Variants in RBFOX3 observed in about 807,000 individuals in gnomAD.
RBFOX3 encodes the protein RNA binding fox-1 homolog 3.
A neutral mutation model predicts 48.7 loss-of-function variants in RBFOX3; 17 were observed. The observed-to-expected ratio is 0.35, with a 90% CI of 0.24 to 0.52. The LOEUF is 0.52. Ranked by LOEUF, RBFOX3 falls within the 20% of genes least tolerant of loss-of-function variation. The pLI is 0.94. For missense variants in RBFOX3, 382 were observed against 497.5 expected, an observed-to-expected ratio of 0.77 and a Z score of 2.21; for synonymous variants, 212 against 209.5, an observed-to-expected ratio of 1.01 and a Z score of -0.10.
intron 1 of RBFOX3, among the ~76,000 whole-genome samples, chr17:79,483,450 C>CCTGCCTG (rs2079059038): frequency 7.6e-6 from 1 of 132,278 alleles, no homozygotes; most frequent in African/African-American, 2.9e-5. Flanking sequence ...CTCCCTCCCT[C>CCTGCCTG]CCTCCCTCCC....
chr17:79,651,106 T>C, the RBFOX3 span, among the ~76,000 whole-genome samples: 2 of 152,168 alleles, frequency 1.3e-5, no homozygotes, highest in Non-Finnish European at 2.9e-5. Flanking sequence ...ACTGCAGGAT[T>C]GAGTCACCAA....
intron 1 of RBFOX3, among the ~76,000 whole-genome samples, chr17:79,597,468 C>T (rs889243764): frequency 1.2e-3 from 177 of 152,322 alleles, no homozygotes; most frequent in African/African-American, 3.9e-3. Flanking sequence ...AGCCCTCTGC[C>T]GTCGTCCTGT....
At chr17:79,399,889 G>A (rs1192638856) in intron 2 of RBFOX3, among the ~76,000 whole-genome samples, 1 of 152,230 alleles carries the variant, frequency 6.6e-6, no homozygotes, top group Non-Finnish European at 1.5e-5. Flanking sequence ...GCTAGTGCAG[G>A]ACAGTCTAAC....
rs1314227486 is a variant in RBFOX3 at position 79,311,581 on chromosome 17, A to G, written c.-174-3757T>C. Among the ~76,000 whole-genome samples, 1 of 152,176 alleles carries G rather than the reference A, an allele frequency of 6.6e-6. No homozygotes were observed. Among genetic ancestry groups the G allele is most frequent in the East Asian group, 1.9e-4 (1 of 5,198 alleles). On this transcript the variant is annotated intron_variant, in intron 2 of 14. Coordinates refer to ENST00000693108, the MANE Select transcript of RBFOX3 (RefSeq NM_001350451.2). This position sits in a 1 kb window ranked among gnomAD's most constrained non-coding sequence, Gnocchi z 4.2. ...AATCTGTCTGTCCTATCTGTCAATC[A>G]ATCAATAATCAATCAATCAATCATC...
the RBFOX3 span, among the ~76,000 whole-genome samples, chr17:79,648,658 G>T: frequency 5.9e-5 from 9 of 152,212 alleles, no homozygotes; most frequent in Non-Finnish European, 1.0e-4. Context: ...TGGTATTAGG[G>T]TCCAAGGACA....
At chr17:79,296,305 CCACACA>C (rs61439993) in intron 3 of RBFOX3, among the ~76,000 whole-genome samples, 5 of 130,504 alleles carry the variant, frequency 3.8e-5, no homozygotes, top group Non-Finnish European at 5.2e-5. Flanking sequence ...CACACACACA[CCACACA>C]CACACACACA....
At chr17:79,431,720 G>A (rs2068497502) in intron 2 of RBFOX3, among the ~76,000 whole-genome samples, 1 of 152,138 alleles carries the variant, frequency 6.6e-6, no homozygotes, top group South Asian at 2.1e-4. Context: ...CCTGACCTCA[G>A]GTGATCCTCC....
chr17:79,209,147 T>C (rs1332068272), intron 4 of RBFOX3, among the ~76,000 whole-genome samples: 2 of 151,896 alleles, frequency 1.3e-5, no homozygotes, highest in African/African-American at 4.8e-5. Flanking sequence ...ACGTGCCCAT[T>C]CCTCCCCTCT....
At chr17:79,424,272 G>C (rs1305485861) in intron 2 of RBFOX3, among the ~76,000 whole-genome samples, 3 of 152,184 alleles carry the variant, frequency 2.0e-5, no homozygotes, top group Non-Finnish European at 4.4e-5. Flanking sequence ...GCCTGTCCGG[G>C]CCTCCCGCCC....
Position 79,364,826 on chromosome 17 carries a change from C to G in RBFOX3, c.-174-57002G>C, listed in dbSNP as rs565117799. Among the ~76,000 whole-genome samples, 3 of 152,220 alleles carry G rather than the reference C, an allele frequency of 2.0e-5. No individual in the cohort carries two copies. Among genetic ancestry groups the G allele is most frequent in the Admixed American group, 6.5e-5 (1 of 15,290 alleles). ...CAGCCCACGCATGTGGCCTTACCTA[C>G]AGCCTGGGTTGCTCCCTCAGCTGGA... On this transcript the variant is annotated intron_variant, in intron 2 of 14. Coordinates refer to ENST00000693108, the MANE Select transcript of RBFOX3 (RefSeq NM_001350451.2). This position sits in a 1 kb window ranked among gnomAD's most constrained non-coding sequence, Gnocchi z 5.1.
chr17:79,092,008 T>C lies in RBFOX3; in HGVS notation c.1078-1123A>G, dbSNP rs1053816453. 11 of 985,340 alleles carry C rather than the reference T, an allele frequency of 1.1e-5. No homozygotes were observed. In the African/African-American group the frequency reaches 1.7e-4, roughly 16 times the overall value. 61.0% of individuals were successfully genotyped at this position (985,340 alleles called of 1,614,324 possible). ...AGCTGAATGGGGCGAGGAGGGGCAG[T>C]GGCTACTCCTGTGGTTGGCTGGGTG... is the stretch of plus-strand genomic sequence containing the variant. On this transcript the variant is annotated intron_variant, in intron 14 of 14. Transcript: ENST00000693108.
In RBFOX3 at chr17:79,090,560, C is replaced by T. The variant is rs1025278541; in HGVS notation, c.*323G>A. 1.4e-4 allele frequency: 50 copies of T among 368,058 alleles called. 1 individual carries two copies. The highest frequency in any genetic ancestry group is 9.1e-4 in the South Asian group (15 of 16,422). 22.8% of individuals were successfully genotyped at this position (368,058 alleles called of 1,614,324 possible). On this transcript the variant is annotated 3_prime_UTR_variant, in exon 15 of 15. Coordinates refer to ENST00000693108, the MANE Select transcript of RBFOX3 (RefSeq NM_001350451.2). The stretch of plus-strand genomic sequence containing the variant: ...ACTGGATGGAAAACAGAGCCCCCCA[C>T]GGGTCCCACAAGGGAGGCCCCTTCC...
intron 4 of RBFOX3, among the ~76,000 whole-genome samples, chr17:79,231,654 ACAAT>A (rs1217816976): frequency 6.6e-6 from 1 of 152,230 alleles, no homozygotes; most frequent in Non-Finnish European, 1.5e-5. Context: ...TACGCTAGCA[ACAAT>A]CAATCAGAAA....
chr17:79,513,750 G>A (rs980465938), intron 1 of RBFOX3, among the ~76,000 whole-genome samples: 3 of 152,182 alleles, frequency 2.0e-5, no homozygotes, highest in Non-Finnish European at 2.9e-5. Flanking sequence ...TCAGTGAGGC[G>A]GTACAGGCGC....
At position 79,254,720 on chromosome 17, in the gene RBFOX3, C is replaced by T. The variant is rs142868328; in HGVS notation, c.-73-18915G>A. ...GTGTCAGTCCAGGCTGTGAAAAACC[C>T]GCCCTGCCTGAGTGGGTGCCTTACC... On this transcript the variant is annotated intron_variant, in intron 3 of 14. Transcript: ENST00000693108. This position sits in a 1 kb window ranked among gnomAD's most constrained non-coding sequence, Gnocchi z 4.8. Among the ~76,000 whole-genome samples, 226 of 152,278 alleles carry T rather than the reference C, an allele frequency of 1.5e-3. No homozygotes were observed. Among genetic ancestry groups the T allele is most frequent in the African/African-American group, 5.1e-3 (211 of 41,554 alleles).
chr17:79,512,292 G>C (rs1173092445), intron 1 of RBFOX3, among the ~76,000 whole-genome samples: 1 of 129,350 alleles, frequency 7.7e-6, no homozygotes, highest in Non-Finnish European at 1.6e-5. Flanking sequence ...TTACCATCGG[G>C]TACAGCCCCA....
chr17:79,309,566 G>A (rs545010208), intron 2 of RBFOX3, among the ~76,000 whole-genome samples: 2 of 152,160 alleles, frequency 1.3e-5, no homozygotes, highest in East Asian at 1.9e-4. Context: ...CCCAACCATC[G>A]TATGGGAAGC....
the RBFOX3 span, among the ~76,000 whole-genome samples, chr17:79,660,427 A>G: frequency 6.6e-6 from 1 of 152,238 alleles, no homozygotes; most frequent in Non-Finnish European, 1.5e-5. Flanking sequence ...GCCAGAGTCT[A>G]TAAGGAACTT....
the RBFOX3 span, among the ~76,000 whole-genome samples, chr17:79,632,493 A>G: frequency 1.3e-5 from 2 of 152,096 alleles, no homozygotes; most frequent in African/African-American, 4.8e-5. Flanking sequence ...GTCTCTGACC[A>G]CTGCCTGCCT....
Sources: allele counts gnomAD v4.1 joint callset (sites outside exome capture counted in the v4.1 genomes callset), GRCh38; gene constraint gnomAD v4.1.1; non-coding constraint Gnocchi (gnomAD v3.1); transcripts MANE v1.5; gene names NCBI Gene and HGNC (gene_info 2026-07-23, HGNC 2026-07-21).